The following THSD7B variants were observed in gnomAD, a reference collection of about 807,000 sequenced individuals.
THSD7B encodes the protein thrombospondin type 1 domain containing 7B.
Under a neutral mutation model 213.6 loss-of-function variants are expected in THSD7B, and 138 were observed. The ratio of observed to expected loss-of-function variants is 0.65; its 90% CI spans 0.56 to 0.74. The LOEUF (loss-of-function observed/expected upper bound fraction) is 0.74. THSD7B is among the 30% of genes least tolerant of loss of function. The probability of loss-of-function intolerance (pLI) is 0.00; values close to 1 mark genes in which losing one functional copy is unlikely to be tolerated. For synonymous variants in THSD7B, 742 were observed against 687.0 expected (o/e 1.08, Z -1.25); for missense variants, 1,931 against 1,991.5 (o/e 0.97, Z 0.58).
chr2:137,222,930 C>T (rs1219543666), intron 7 of THSD7B, among the ~76,000 whole-genome samples: 1 of 152,104 alleles, frequency 6.6e-6, no homozygotes, highest in Non-Finnish European at 1.5e-5. Flanking sequence ...GAGTCCCTGG[C>T]CTCTCTCATT....
chr2:136,902,529 C>T (rs186934587), intron 2 of THSD7B, among the ~76,000 whole-genome samples: 24 of 152,302 alleles, frequency 1.6e-4, no homozygotes, highest in Admixed American at 1.4e-3. Flanking sequence ...GTCTGTCCTC[C>T]CCTTTGCATT....
intron 12 of THSD7B, among the ~76,000 whole-genome samples, chr2:137,342,383 G>C (rs775634536): frequency 1.6e-4 from 13 of 80,176 alleles, no homozygotes; most frequent in Non-Finnish European, 3.2e-4. Context: ...TTGTTAATTA[G>C]TTCTAACAGG....
At chr2:137,048,379 A>T (rs529758911) in intron 2 of THSD7B, among the ~76,000 whole-genome samples, 1 of 152,276 alleles carries the variant, frequency 6.6e-6, no homozygotes, top group Admixed American at 6.5e-5. Flanking sequence ...AGATGCACTA[A>T]ATGTTCTGTC....
chr2:137,569,807 T>A (rs950198452), intron 16 of THSD7B, among the ~76,000 whole-genome samples: 8 of 151,344 alleles, frequency 5.3e-5, no homozygotes, highest in African/African-American at 1.9e-4. Context: ...ATTATTATTA[T>A]TATTAATTAT....
chr2:137,671,251 A>ATTT (rs1558878846), intron 27 of THSD7B, among the ~76,000 whole-genome samples: 130 of 56,460 alleles, frequency 2.3e-3, no homozygotes, highest in East Asian at 9.4e-3. Context: ...TTTTTTTAAA[A>ATTT]AAAAAAAAAA....
chr2:136,864,622 A>G (rs1160489070), intron 1 of THSD7B, among the ~76,000 whole-genome samples: 5 of 151,304 alleles, frequency 3.3e-5, no homozygotes, highest in Admixed American at 6.6e-5. Flanking sequence ...GTGCGATCTC[A>G]GCTCACTGCA....
intron 2 of THSD7B, among the ~76,000 whole-genome samples, chr2:136,989,268 C>T (rs553398503): frequency 1.3e-5 from 2 of 152,010 alleles, no homozygotes; most frequent in African/African-American, 2.4e-5. Flanking sequence ...GAAATGTGAT[C>T]CCCAGTGTTG....
At chr2:137,584,821 G>C (rs1681681511) in intron 17 of THSD7B, among the ~76,000 whole-genome samples, 1 of 152,264 alleles carries the variant, frequency 6.6e-6, no homozygotes, top group South Asian at 2.1e-4. Context: ...TCTCTGTCAG[G>C]CTTTGGTATC....
intron 12 of THSD7B, among the ~76,000 whole-genome samples, chr2:137,388,638 C>T (rs111610598): frequency 0.029 from 4,477 of 152,066 alleles, 235 homozygotes; most frequent in African/African-American, 0.1. Flanking sequence ...TGTTTGTACC[C>T]ATTAACCAAC....
At chr2:136,954,714 C>CAAAAAAAAAAAAAAAAAAAAAA (rs11378111) in intron 2 of THSD7B, among the ~76,000 whole-genome samples, 9 of 89,430 alleles carry the variant, frequency 1.0e-4, no homozygotes, top group African/African-American at 5.0e-4. Flanking sequence ...GACTCTGTCT[C>CAAAAAAAAAAAAAAAAAAAAAA]AAAAAAAAAA....
At chr2:136,774,074 A>G (rs1033077628) in intron 1 of THSD7B, among the ~76,000 whole-genome samples, 5 of 152,030 alleles carry the variant, frequency 3.3e-5, no homozygotes, top group Admixed American at 2.0e-4. Flanking sequence ...CTTCATACAT[A>G]GTATGAAATC....
intron 5 of THSD7B, among the ~76,000 whole-genome samples, chr2:137,156,503 G>A (rs542237638): frequency 1.3e-5 from 2 of 152,206 alleles, no homozygotes; most frequent in African/African-American, 4.8e-5. Context: ...AGCAAACCAT[G>A]TCCTTCTCTA....
intron 2 of THSD7B, among the ~76,000 whole-genome samples, chr2:137,016,893 C>T (rs1419555172): frequency 6.6e-6 from 1 of 152,128 alleles, no homozygotes; most frequent in Non-Finnish European, 1.5e-5. Flanking sequence ...GTTTACAATT[C>T]TTTACCCCAA....
intron 12 of THSD7B, among the ~76,000 whole-genome samples, chr2:137,306,748 TA>T (rs1683758581): frequency 6.6e-6 from 1 of 152,264 alleles, no homozygotes; most frequent in Non-Finnish European, 1.5e-5. Flanking sequence ...TTTATCTCTT[TA>T]TTTTGCCCTT....
At chr2:137,064,018 T>C (rs1264320691) in intron 3 of THSD7B, among the ~76,000 whole-genome samples, 1 of 152,082 alleles carries the variant, frequency 6.6e-6, no homozygotes, top group Non-Finnish European at 1.5e-5. Flanking sequence ...TCCTTTCTTT[T>C]GTGTCCGTAG....
At chr2:136,880,729 C>T (rs1031821364) in intron 1 of THSD7B, among the ~76,000 whole-genome samples, 1 of 152,126 alleles carries the variant, frequency 6.6e-6, no homozygotes, top group African/African-American at 2.4e-5. Flanking sequence ...TATGACTTCT[C>T]AAGTCTCTCC....
intron 2 of THSD7B, among the ~76,000 whole-genome samples, chr2:136,917,587 T>C (rs1253825200): frequency 2.0e-5 from 3 of 152,172 alleles, no homozygotes; most frequent in Non-Finnish European, 4.4e-5. Context: ...ACATCTCTGT[T>C]ATTGAGTAGT....
chr2:136,904,980 GA>G (rs1393153500), intron 2 of THSD7B, among the ~76,000 whole-genome samples: 1 of 152,204 alleles, frequency 6.6e-6, no homozygotes, highest in Non-Finnish European at 1.5e-5. Flanking sequence ...GAATCTGTGG[GA>G]GGGGAAGTGA....
intron 7 of THSD7B, among the ~76,000 whole-genome samples, chr2:137,194,135 A>G (rs954477395): frequency 2.0e-5 from 3 of 152,220 alleles, no homozygotes; most frequent in East Asian, 1.9e-4. Context: ...TAATCCCAGC[A>G]TAACTGGAAC....
Sources: allele counts gnomAD v4.1 joint callset (sites outside exome capture counted in the v4.1 genomes callset), GRCh38; gene constraint gnomAD v4.1.1; transcripts MANE v1.5; gene names NCBI Gene and HGNC (gene_info 2026-07-23, HGNC 2026-07-21).